PCNT: variants seen among roughly 807,000 people sequenced by gnomAD.
PCNT encodes the protein kendrin.
In PCNT, 319 loss-of-function variants were observed where a neutral mutation model predicts 380.4. The observed-to-expected ratio is 0.84, with a 90% CI of 0.77 to 0.92. The LOEUF is 0.92. Among genes scored for constraint, PCNT ranks in the 40% least tolerant of loss-of-function variants. The pLI, the probability that PCNT is intolerant of heterozygous loss-of-function variation, is 0.00. For synonymous variants in PCNT, 1,845 were observed against 1,735.2 expected, an observed-to-expected ratio of 1.06 and a Z score of -1.57; for missense variants, 4,400 against 4,255.3, an observed-to-expected ratio of 1.03 and a Z score of -0.95.
At chr21:46,434,843 G>T (rs539975875) in intron 38 of PCNT, among the ~76,000 whole-genome samples, 2 of 152,190 alleles carry the variant, frequency 1.3e-5, no homozygotes, top group African/African-American at 2.4e-5. Flanking sequence ...TGAGCGTCTG[G>T]GCGTGTGCGT....
At chr21:46,353,749 TGTGAGA>T (rs935430430) in intron 10 of PCNT, among the ~76,000 whole-genome samples, 11 of 100,226 alleles carry the variant, frequency 1.1e-4, no homozygotes, top group African/African-American at 2.4e-4. Context: ...TGTGTGTGTG[TGTGAGA>T]GAGACAGAGA....
Position 46,412,932 on chromosome 21 carries a change from G to A in PCNT, c.6090G>A (p.Leu2030=). The A allele has an allele frequency of 1.2e-6, 2 of 1,612,246 alleles. No homozygotes were observed. Among genetic ancestry groups the A allele is most frequent in the Non-Finnish European group, 1.7e-6 (2 of 1,180,014 alleles). Residue 2030 remains leucine (L), a synonymous_variant, in exon 29 of 47, where the codon CTG becomes CTA. Coordinates refer to ENST00000359568, the MANE Select transcript of PCNT (RefSeq NM_006031.6). ...TGCTCACCGTCTGCCAGAGGCAGCT[G>A]CAGTCGGAGCTGCTCTTGGTGAAAA... ...MSVLTVCQRQ[L]QSELLLVKNE...
rs770890887 is a variant in PCNT, at chr21:46,354,051, G to A, written c.1744G>A (p.Glu582Lys). ...AAGAAAAGATCACGTTGATGAACTCGAGCCTGAGCGACATAAGGTAATTGG... is the reference window on the plus strand; with the variant it reads ...AAGAAAAGATCACGTTGATGAACTCAAGCCTGAGCGACATAAGGTAATTGG... ...KGRKDHVDELEPERHKESLPR... is the reference protein window; with the variant it reads ...KGRKDHVDELKPERHKESLPR... Residue 582 changes from glutamate (E) to lysine (K), a missense_variant, in exon 11 of 47, where the codon GAG becomes AAG. Coordinates refer to ENST00000359568, the MANE Select transcript of PCNT (RefSeq NM_006031.6). 3 of 1,614,028 alleles carry A rather than the reference G, an allele frequency of 1.9e-6. No individual in the cohort carries two copies. The highest frequency in any genetic ancestry group is 1.7e-5 in the Admixed American group (1 of 60,016).
intron 36 of PCNT, 117 bp downstream of exon 36, chr21:46,430,349 C>A: frequency 7.3e-7 from 1 of 1,372,598 alleles, no homozygotes; most frequent in Non-Finnish European, 1.0e-6. Context: ...GCCCCAGGGG[C>A]ACCGCGCCCT....
chr21:46,368,555 A>C (rs1327712820), intron 15 of PCNT, among the ~76,000 whole-genome samples: 2 of 152,242 alleles, frequency 1.3e-5, no homozygotes, highest in Non-Finnish European at 2.9e-5. Flanking sequence ...GCCTGACTGC[A>C]GAAGCTGCAG....
chr21:46,349,001 T>G lies in PCNT; in HGVS notation c.1033-11T>G. Reference sequence around the variant, plus strand: ...AACTATTGAGTTTAATTTTTTTTTCTTTTAAATTAGACCCTGAAGGAAGAT... The same window carrying G: ...AACTATTGAGTTTAATTTTTTTTTCGTTTAAATTAGACCCTGAAGGAAGAT... On this transcript the variant is annotated splice_polypyrimidine_tract_variant and intron_variant, in intron 6 of 46. Coordinates refer to ENST00000359568, the MANE Select transcript of PCNT (RefSeq NM_006031.6). The G allele has an allele frequency of 6.5e-7, 1 of 1,529,448 alleles. No individual in the cohort carries two copies. Among genetic ancestry groups the G allele is most frequent in the South Asian group, 1.1e-5 (1 of 88,752 alleles). 94.7% of individuals were successfully genotyped at this position (1,529,448 alleles called of 1,614,324 possible).
chr21:46,355,125 A>G (rs1185427042), intron 11 of PCNT, among the ~76,000 whole-genome samples: 1 of 152,196 alleles, frequency 6.6e-6, no homozygotes. Flanking sequence ...CGCGAGGGGC[A>G]CGTGCCCTAC....
chr21:46,373,842 G>A (rs2085243853), intron 15 of PCNT, among the ~76,000 whole-genome samples: 1 of 145,420 alleles, frequency 6.9e-6, no homozygotes, highest in African/African-American at 2.6e-5. Context: ...CGATTTTCCT[G>A]CCTCAGCCTC....
chr21:46,375,686 G>A (rs1483659122), intron 15 of PCNT, among the ~76,000 whole-genome samples: 5 of 152,272 alleles, frequency 3.3e-5, no homozygotes, highest in African/African-American at 1.2e-4. Context: ...TGGGCCTGAG[G>A]GATCACATGT....
intron 2 of PCNT, 23 bp downstream of exon 2, chr21:46,326,612 T>A (rs368167866): frequency 1.2e-6 from 2 of 1,604,340 alleles, no homozygotes; most frequent in East Asian, 4.5e-5. Context: ...AATGTTGTAT[T>A]TGAACATTTC....
rs1387829956 is a variant in PCNT at position 46,388,893 on chromosome 21, G to T, written c.3607+9G>T. On this transcript the variant is annotated intron_variant, in intron 18 of 46. Transcript: ENST00000359568. This position sits in a 1 kb window ranked among gnomAD's most constrained non-coding sequence, Gnocchi z 4.2. ...CCTGGCCCTGTCGACAGGTGAGTGT[G>T]CCGGGACCAGCTGCCCAGCCCTGTG... The T allele has an allele frequency of 7.5e-6, 12 of 1,590,252 alleles. No individual in the cohort carries two copies. Among genetic ancestry groups the T allele is most frequent in the Non-Finnish European group, 1.0e-5 (12 of 1,173,946 alleles).
Position 46,363,895 on chromosome 21 carries a change from A to G in PCNT, c.2570A>G (p.Lys857Arg). ...QDGELAALHV[K>R]EDCALQLMLA... ...GGGGAGCTTGCTGCGCTCCACGTGA[A>G]GGAAGACTGCGCCCTGCAGCTGATG... The change falls in exon 14 of 47, where the codon AAG (lysine) becomes AGG (arginine). Residue 857 changes from lysine (K) to arginine (R), a missense_variant. Coordinates refer to ENST00000359568, the MANE Select transcript of PCNT (RefSeq NM_006031.6). 2 of 1,611,602 alleles carry G rather than the reference A, an allele frequency of 1.2e-6. No individual in the cohort carries two copies. The highest frequency in any genetic ancestry group is 1.7e-6 in the Non-Finnish European group (2 of 1,179,592).
chr21:46,406,445 C>G (rs2086624549), intron 27 of PCNT, among the ~76,000 whole-genome samples: 1 of 152,226 alleles, frequency 6.6e-6, no homozygotes, highest in African/African-American at 2.4e-5. Context: ...ACCGTGAATA[C>G]ACATACACCT....
At position 46,435,732 on chromosome 21, in the gene PCNT, T is replaced by C. The variant is rs551975918; in HGVS notation, c.8752-172T>C. Among the ~76,000 whole-genome samples the C allele has an allele frequency of 9.3e-4, 141 of 151,640 alleles. 1 individual carries two copies. In the Middle Eastern group the frequency reaches 0.014, roughly 15 times the overall value. ...TAATTTTTTGTATTTTTAGTAGAGG[T>C]GGGGTTTCACTGTGTTGGCCAGCAT... On this transcript the variant is annotated intron_variant, in intron 38 of 46. Coordinates refer to ENST00000359568, the MANE Select transcript of PCNT (RefSeq NM_006031.6).
intron 8 of PCNT, 64 bp from the exon 9 acceptor site, chr21:46,351,365 G>A (rs144897950): frequency 1.9e-4 from 167 of 873,320 alleles, no homozygotes; most frequent in Non-Finnish European, 3.0e-4. Context: ...AACCGCACAC[G>A]TCACTGCTGG....
At chr21:46,382,860 A>C (rs2085627068) in intron 16 of PCNT, among the ~76,000 whole-genome samples, 1 of 130,680 alleles carries the variant, frequency 7.7e-6, no homozygotes, top group Admixed American at 7.3e-5. Flanking sequence ...GCGGAAGCCC[A>C]TTCATGGTGT....
chr21:46,340,236 G>A (rs1026559095), intron 3 of PCNT, among the ~76,000 whole-genome samples: 1 of 152,154 alleles, frequency 6.6e-6, no homozygotes, highest in African/African-American at 2.4e-5. Flanking sequence ...ACAAGCACGG[G>A]AAAGACCCGC....
At chr21:46,349,563 CG>C in intron 7 of PCNT, 120 bp from the exon 8 acceptor site, 4 of 1,070,628 alleles carry the variant, frequency 3.7e-6, no homozygotes, top group Non-Finnish European at 4.4e-6. Context: ...ACGAGGGGCC[CG>C]GGGGCGCCCA....
chr21:46,351,322 C>T (rs527259178), intron 8 of PCNT, 107 bp from the exon 9 acceptor site: 2 of 769,304 alleles, frequency 2.6e-6, no homozygotes, highest in Non-Finnish European at 4.8e-6. Flanking sequence ...GGGATGTGAG[C>T]TTTTACCCTT....
Sources: allele counts gnomAD v4.1 joint callset (sites outside exome capture counted in the v4.1 genomes callset), GRCh38; gene constraint gnomAD v4.1.1; non-coding constraint Gnocchi (gnomAD v3.1); transcripts MANE v1.5; gene names NCBI Gene and HGNC (gene_info 2026-07-23, HGNC 2026-07-21).